Variants in EFCAB11 observed in about 807,000 individuals in gnomAD.
EFCAB11 encodes EF-hand calcium binding domain 11.
Under a neutral mutation model 23.0 loss-of-function variants are expected in EFCAB11, and 14 were observed. That is an observed-to-expected ratio of 0.61 (90% confidence interval 0.40 to 0.95). The LOEUF is 0.95. Among genes scored for constraint, EFCAB11 ranks in the 40% least tolerant of loss-of-function variants. The probability of loss-of-function intolerance (pLI) is 0.00; values close to 1 mark genes in which losing one functional copy is unlikely to be tolerated. For synonymous variants in EFCAB11, 65 were observed against 66.6 expected (o/e 0.98, Z 0.11); for missense variants, 198 against 195.8 (o/e 1.01, Z -0.07).
At chr14:89,841,682 G>T (rs1230071241) in intron 5 of EFCAB11, among the ~76,000 whole-genome samples, 5 of 151,974 alleles carry the variant, frequency 3.3e-5, no homozygotes, top group Non-Finnish European at 7.4e-5. Context: ...ACATAGTCTG[G>T]ATTCTGTTAC....
chr14:89,870,574 T>C (rs17126426), intron 5 of EFCAB11, among the ~76,000 whole-genome samples: 8,778 of 152,156 alleles, frequency 0.058, 439 homozygotes, highest in African/African-American at 0.13. Flanking sequence ...AGGTATATGA[T>C]GAAGCATAAT....
At chr14:89,806,227 G>A (rs1885963505) in intron 5 of EFCAB11, among the ~76,000 whole-genome samples, 1 of 152,188 alleles carries the variant, frequency 6.6e-6, no homozygotes. Flanking sequence ...TTTTAAGAAT[G>A]AGGAATCTCA....
chr14:89,845,671 G>A (rs12590780), intron 5 of EFCAB11, among the ~76,000 whole-genome samples: 91,127 of 151,990 alleles, frequency 0.6, 30,511 homozygotes, highest in Non-Finnish European at 0.77. Context: ...GACATCTCAT[G>A]CTGCCCCTGG....
chr14:89,823,547 G>GT (rs1388562252), intron 5 of EFCAB11, among the ~76,000 whole-genome samples: 1 of 152,126 alleles, frequency 6.6e-6, no homozygotes, highest in Non-Finnish European at 1.5e-5. Context: ...ATAATACTCA[G>GT]AATCCAATCA....
chr14:89,814,262 T>G (rs1237635204), intron 5 of EFCAB11, among the ~76,000 whole-genome samples: 1 of 152,128 alleles, frequency 6.6e-6, no homozygotes, highest in Non-Finnish European at 1.5e-5. Flanking sequence ...GGATCTGTGG[T>G]GAGGGCTTCA....
chr14:89,873,752 C>T (rs1220655155), intron 5 of EFCAB11, among the ~76,000 whole-genome samples: 1 of 152,256 alleles, frequency 6.6e-6, no homozygotes, highest in Admixed American at 6.5e-5. Flanking sequence ...GACTCCAGGT[C>T]TCACATCCAG....
intron 5 of EFCAB11, among the ~76,000 whole-genome samples, chr14:89,913,754 C>A (rs1467309463): frequency 6.6e-6 from 1 of 152,172 alleles, no homozygotes; most frequent in Non-Finnish European, 1.5e-5. Context: ...AAGCTTAATA[C>A]AACTATCAGA....
At chr14:89,918,538 CAA>C (rs550019506) in intron 5 of EFCAB11, among the ~76,000 whole-genome samples, 5 of 101,926 alleles carry the variant, frequency 4.9e-5, no homozygotes, top group Admixed American at 1.1e-4. Flanking sequence ...GACTCCATCT[CAA>C]AAAAAAAAAA....
At chr14:89,849,625 TAAGATA>T (rs1389699282) in intron 5 of EFCAB11, among the ~76,000 whole-genome samples, 1 of 124,434 alleles carries the variant, frequency 8.0e-6, no homozygotes, top group Non-Finnish European at 1.7e-5. Context: ...TTTTTTTTGG[TAAGATA>T]CTCTTATTGC....
chr14:89,942,217 C>T (rs1890819002), intron 3 of EFCAB11, among the ~76,000 whole-genome samples: 1 of 152,048 alleles, frequency 6.6e-6, no homozygotes, highest in Non-Finnish European at 1.5e-5. Flanking sequence ...TTCTTTATAG[C>T]AGTGTGAAAA....
intron 5 of EFCAB11, among the ~76,000 whole-genome samples, chr14:89,832,902 T>C (rs1886932699): frequency 6.6e-6 from 1 of 152,220 alleles, no homozygotes; most frequent in Non-Finnish European, 1.5e-5. Context: ...TTGTATGAAA[T>C]TCTGCCTTAT....
At chr14:89,832,104 T>C (rs1043040902) in intron 5 of EFCAB11, among the ~76,000 whole-genome samples, 3 of 152,004 alleles carry the variant, frequency 2.0e-5, no homozygotes, top group African/African-American at 7.2e-5. Context: ...TTAGAGGTCA[T>C]GAGTTCGAGA....
rs187918051 is a variant in EFCAB11, at chr14:89,893,690, C to T, written c.410+37851G>A. 2.0e-5 allele frequency among the ~76,000 whole-genome samples: 3 copies of T among 151,994 alleles called. No homozygotes were observed. In the East Asian group the frequency reaches 5.8e-4, roughly 29 times the overall value. On this transcript the variant is annotated intron_variant, in intron 5 of 5. Transcript: ENST00000316738. ...TGTTGTGACATCATAGCCAAGTTATCCCCCTGCCCAATCCTGCTTCCTTTT... is the reference window on the plus strand; with the variant it reads ...TGTTGTGACATCATAGCCAAGTTATTCCCCTGCCCAATCCTGCTTCCTTTT...
chr14:89,862,640 G>C (rs1028264118), intron 5 of EFCAB11, among the ~76,000 whole-genome samples: 1 of 152,202 alleles, frequency 6.6e-6, no homozygotes, highest in Non-Finnish European at 1.5e-5. Context: ...TACACACATG[G>C]AACTACAACA....
chr14:89,845,430 A>C (rs1381402437), intron 5 of EFCAB11, among the ~76,000 whole-genome samples: 1 of 152,282 alleles, frequency 6.6e-6, no homozygotes, highest in East Asian at 1.9e-4. Context: ...CATACTTCTT[A>C]TATTACTTTT....
At chr14:89,822,425 CT>C (rs767275513) in intron 5 of EFCAB11, among the ~76,000 whole-genome samples, 8 of 152,296 alleles carry the variant, frequency 5.3e-5, no homozygotes, top group Non-Finnish European at 7.4e-5. Flanking sequence ...CTTTGAGTCA[CT>C]GTTTTAAAAT....
chr14:89,920,137 G>GT (rs1224682135), intron 5 of EFCAB11, among the ~76,000 whole-genome samples: 14 of 152,296 alleles, frequency 9.2e-5, no homozygotes, highest in African/African-American at 3.1e-4. Flanking sequence ...GGCAAGATGC[G>GT]TAACACATGG....
Position 89,943,546 on chromosome 14 carries a change from T to C in EFCAB11, c.217+6551A>G, listed in dbSNP as rs544109156. ...GCGTGAGCTACCACACCCCGCCAAT[T>C]TCAGTTCTTCAAGATCCAAACATTA... On this transcript the variant is annotated intron_variant, in intron 3 of 5. Coordinates refer to ENST00000316738, the MANE Select transcript of EFCAB11 (RefSeq NM_145231.4). Among the ~76,000 whole-genome samples, 26 of 152,240 alleles carry C rather than the reference T, an allele frequency of 1.7e-4. No individual in the cohort carries two copies. The East Asian group carries it at 5.0e-3, about 29-fold the overall frequency.
intron 5 of EFCAB11, among the ~76,000 whole-genome samples, chr14:89,843,796 G>A (rs568067631): frequency 2.0e-5 from 3 of 152,198 alleles, no homozygotes; most frequent in South Asian, 4.1e-4. Context: ...TCTTCTAAAC[G>A]TTAGCACATT....
Sources: gnomAD v4.1 joint callset for allele counts (sites outside exome capture counted in the v4.1 genomes callset) on GRCh38, gnomAD v4.1.1 for gene constraint, MANE v1.5 for transcripts, NCBI Gene and HGNC (gene_info 2026-07-23, HGNC 2026-07-21) for gene names.